PCDH7: variants seen among roughly 807,000 people sequenced by gnomAD.
The protein encoded by PCDH7 is protocadherin 7.
In PCDH7, 17 loss-of-function variants were observed where a neutral mutation model predicts 58.9. The ratio of observed to expected loss-of-function variants is 0.29; its 90% CI spans 0.20 to 0.43. The LOEUF (loss-of-function observed/expected upper bound fraction) is 0.43. PCDH7 is among the 20% of genes least tolerant of loss of function. PCDH7 has a pLI of 1.00. For missense variants in PCDH7, 1,274 were observed against 1,441.0 expected (o/e 0.88, Z 1.88); for synonymous variants, 664 against 616.4 (o/e 1.08, Z -1.14).
At chr4:30,750,587 G>A (rs1404465475) in intron 1 of PCDH7, among the ~76,000 whole-genome samples, 4 of 152,118 alleles carry the variant, frequency 2.6e-5, no homozygotes, top group Non-Finnish European at 5.9e-5. Flanking sequence ...TGGAGAGGAG[G>A]AAAATTAGTT....
chr4:30,800,519 T>C (rs1323328500), intron 1 of PCDH7, among the ~76,000 whole-genome samples: 1 of 152,142 alleles, frequency 6.6e-6, no homozygotes, highest in East Asian at 1.9e-4. Context: ...AAATAAAATA[T>C]CTGTGTTTTC....
rs768259538 is a variant in PCDH7 at position 30,721,402 on chromosome 4, T to TAGC, written c.-9_-7dup. On this transcript the variant is annotated 5_prime_UTR_variant, in exon 1 of 2. Coordinates refer to ENST00000361762, the Ensembl canonical transcript of PCDH7. This position sits in a 1 kb window ranked among gnomAD's most constrained non-coding sequence, Gnocchi z 6.7. The stretch of plus-strand genomic sequence containing the variant: ...AGGGGGCTGTGGTTAGAAGGAGCAG[T>TAGC]AGCAGCAGCAGCAGGAGAAGATGCT... The TAGC allele has an allele frequency of 1.7e-4, 253 of 1,472,256 alleles. 1 individual carries two copies. The East Asian group carries it at 4.6e-3, about 27-fold the overall frequency. 91.2% of individuals were successfully genotyped at this position (1,472,256 alleles called of 1,614,324 possible).
chr4:30,855,395 T>C (rs998598259), intron 1 of PCDH7, among the ~76,000 whole-genome samples: 1 of 152,178 alleles, frequency 6.6e-6, no homozygotes, highest in African/African-American at 2.4e-5. Context: ...CTGATGTGAT[T>C]GTGACATGTA....
intron 2 of PCDH7, among the ~76,000 whole-genome samples, chr4:30,946,771 G>T (rs13122707): frequency 0.097 from 14,518 of 149,460 alleles, 1,046 homozygotes; most frequent in East Asian, 0.27. Flanking sequence ...GCAGTGGCAC[G>T]ATCTTGGCTC....
intron 1 of PCDH7, among the ~76,000 whole-genome samples, chr4:30,874,548 G>A (rs370334602): frequency 2.0e-5 from 3 of 151,562 alleles, no homozygotes; most frequent in South Asian, 4.2e-4. Flanking sequence ...TGTGGGGTGG[G>A]GGGTGGAGGG....
At chr4:30,763,354 TCTAA>T (rs1720294270) in intron 1 of PCDH7, among the ~76,000 whole-genome samples, 2 of 152,368 alleles carry the variant, frequency 1.3e-5, no homozygotes, top group Admixed American at 1.3e-4. Context: ...TGCTATAAAG[TCTAA>T]CTACAGTTAC....
chr4:31,110,771 C>T (rs538559872), intron 3 of PCDH7, among the ~76,000 whole-genome samples: 8 of 151,958 alleles, frequency 5.3e-5, no homozygotes, highest in African/African-American at 1.9e-4. Context: ...AAAAATTAGC[C>T]GGGCATGGTG....
At chr4:30,916,498 T>C (rs574774275) in intron 1 of PCDH7, among the ~76,000 whole-genome samples, 2 of 152,324 alleles carry the variant, frequency 1.3e-5, no homozygotes, top group African/African-American at 4.8e-5. Flanking sequence ...GTAGCTTGTC[T>C]TCATAATTTC....
At chr4:31,105,488 A>G (rs918510144) in intron 3 of PCDH7, among the ~76,000 whole-genome samples, 1 of 152,126 alleles carries the variant, frequency 6.6e-6, no homozygotes, top group Non-Finnish European at 1.5e-5. Context: ...ATGGGATACC[A>G]TTATTAGGGC....
chr4:31,127,159 G>T (rs1006896578), intron 3 of PCDH7, among the ~76,000 whole-genome samples: 1 of 152,146 alleles, frequency 6.6e-6, no homozygotes, highest in African/African-American at 2.4e-5. Flanking sequence ...ATCACTGTCT[G>T]CTAGTCTCAC....
At chr4:30,979,739 C>T (rs1750391136) in intron 3 of PCDH7, among the ~76,000 whole-genome samples, 1 of 152,016 alleles carries the variant, frequency 6.6e-6, no homozygotes, top group Admixed American at 6.6e-5. Flanking sequence ...GCCTTGAAGT[C>T]AGGGACTACA....
intron 1 of PCDH7, among the ~76,000 whole-genome samples, chr4:30,759,389 T>C (rs893285266): frequency 1.3e-5 from 2 of 152,214 alleles, no homozygotes; most frequent in Admixed American, 6.5e-5. Flanking sequence ...TCTGGTGAAA[T>C]AGAATGAGTT....
intron 2 of PCDH7, among the ~76,000 whole-genome samples, chr4:30,926,330 G>A (rs562305869): frequency 5.1e-4 from 78 of 151,930 alleles, no homozygotes; most frequent in African/African-American, 1.6e-3. Context: ...GACTATAGGC[G>A]CCCGCCACCA....
At chr4:30,984,966 T>TTTGTTG (rs202106995) in intron 3 of PCDH7, among the ~76,000 whole-genome samples, 2 of 151,960 alleles carry the variant, frequency 1.3e-5, no homozygotes, top group African/African-American at 4.8e-5. Context: ...ATTTCATCTT[T>TTTGTTG]TTGTTGTTGT....
chr4:30,992,319 G>T (rs1405870276), intron 3 of PCDH7, among the ~76,000 whole-genome samples: 1 of 152,108 alleles, frequency 6.6e-6, no homozygotes, highest in African/African-American at 2.4e-5. Flanking sequence ...CAATCCAGCT[G>T]AATATCAACA....
At chr4:30,754,209 AAGT>A (rs1260526400) in intron 1 of PCDH7, among the ~76,000 whole-genome samples, 1 of 150,820 alleles carries the variant, frequency 6.6e-6, no homozygotes, top group Admixed American at 6.6e-5. Flanking sequence ...AGGGAGGAGG[AAGT>A]AGTAGAAGAG....
chr4:30,722,254 C>T lies in PCDH7; in HGVS notation c.832C>T (p.Leu278=), dbSNP rs1433298125. 6.3e-7 allele frequency: 1 copy of T among 1,596,690 alleles called. No individual in the cohort carries two copies. Among genetic ancestry groups the T allele is most frequent in the Non-Finnish European group, 8.5e-7 (1 of 1,172,874 alleles). Reference sequence around the variant, plus strand: ...GCAGCGCGACTCCTACGAGCTGACCCTGCGAGTGCGCGACGGCGGCGACCC... The same window carrying T: ...GCAGCGCGACTCCTACGAGCTGACCTTGCGAGTGCGCGACGGCGGCGACCC... Residue 278 remains leucine (L), a synonymous_variant, in exon 1 of 2, where the codon CTG becomes TTG. Coordinates refer to ENST00000361762, the Ensembl canonical transcript of PCDH7. This position sits in a 1 kb window ranked among gnomAD's most constrained non-coding sequence, Gnocchi z 7.6.
At chr4:30,773,091 C>A (rs28759096) in intron 1 of PCDH7, among the ~76,000 whole-genome samples, 2 of 152,094 alleles carry the variant, frequency 1.3e-5, no homozygotes, top group African/African-American at 4.8e-5. Context: ...TTTGTAGAGA[C>A]GGGATTTTAC....
At chr4:30,850,162 T>G (rs572777534) in intron 1 of PCDH7, among the ~76,000 whole-genome samples, 8 of 152,160 alleles carry the variant, frequency 5.3e-5, no homozygotes, top group Non-Finnish European at 1.0e-4. Flanking sequence ...TTACACTTTT[T>G]GTGAAGAGTT....
Sources: allele counts gnomAD v4.1 joint callset (sites outside exome capture counted in the v4.1 genomes callset), GRCh38; gene constraint gnomAD v4.1.1; non-coding constraint Gnocchi (gnomAD v3.1); transcripts MANE v1.5; gene names NCBI Gene and HGNC (gene_info 2026-07-23, HGNC 2026-07-21).